Variants in C8G observed in about 807,000 individuals in gnomAD.
C8G encodes complement component C8 gamma chain.
In C8G, 38 loss-of-function variants were observed where a neutral mutation model predicts 29.1. That is an observed-to-expected ratio of 1.31 (90% CI 1.01 to 1.71). The LOEUF (loss-of-function observed/expected upper bound fraction) is 1.71. Among genes scored for constraint, C8G ranks in the 40% most tolerant of loss-of-function variants. The probability of loss-of-function intolerance (pLI) is 0.00; values close to 1 mark genes in which losing one functional copy is unlikely to be tolerated. For missense variants in C8G, 300 were observed against 267.4 expected, an observed-to-expected ratio of 1.12 and a Z score of -0.85; for synonymous variants, 158 against 113.2, an observed-to-expected ratio of 1.40 and a Z score of -2.51.
In C8G at chr9:136,945,473, G is replaced by C; in HGVS notation, c.138+15G>C. The C allele has an allele frequency of 6.4e-7, 1 of 1,561,934 alleles. No individual in the cohort carries two copies. On this transcript the variant is annotated intron_variant, in intron 1 of 6. Coordinates refer to ENST00000371634, the MANE Select transcript of C8G (RefSeq NM_000606.3). ...ATGCTCAGCAGGTAGAAGTTGGGGG[G>C]GGTAGAGGGAGGCAGGTAGAAGTTG...
intron 1 of C8G, 60 bp downstream of exon 1, chr9:136,945,518 CAGGT>C (rs1386453631): frequency 2.5e-5 from 38 of 1,528,708 alleles, no homozygotes; most frequent in Middle Eastern, 1.7e-4. Context: ...TAGAGGGAGA[CAGGT>C]AGAAGTTGTT....
Position 136,946,670 on chromosome 9 carries a change from C to T in C8G, c.576C>T (p.Asp192=). The change falls in exon 6 of 7, where the codon GAC becomes GAT. Residue 192 remains aspartate (D), a synonymous_variant. Coordinates refer to ENST00000371634, the MANE Select transcript of C8G (RefSeq NM_000606.3). The part of the protein sequence containing the change: ...FPKYGFCEAA[D]QFHVLDEVRR Reference sequence around the variant, plus strand: ...CCCCAGGCTTCTGCGAGGCTGCAGACCAGTTCCACGTCCTGGACGGTGAGT... The same window carrying T: ...CCCCAGGCTTCTGCGAGGCTGCAGATCAGTTCCACGTCCTGGACGGTGAGT... 2 of 1,612,974 alleles carry T rather than the reference C, an allele frequency of 1.2e-6. No individual in the cohort carries two copies. Among genetic ancestry groups the T allele is most frequent in the Non-Finnish European group, 8.5e-7 (1 of 1,179,986 alleles).
At position 136,946,567 on chromosome 9, in the gene C8G, G is replaced by T. The variant is rs765683279; in HGVS notation, c.556+1G>T. On this transcript the variant is annotated splice_donor_variant, in intron 5 of 6. Coordinates refer to ENST00000371634, the MANE Select transcript of C8G (RefSeq NM_000606.3). LOFTEE classifies it high-confidence loss of function. ...CAGATCTTCTACTTCCCCAAGTACG[G>T]TGAGTGTCCCCAGCAGGTCCCCAGC... The T allele has an allele frequency of 6.2e-7, 1 of 1,612,886 alleles. No individual in the cohort carries two copies. Among genetic ancestry groups the T allele is most frequent in the Admixed American group, 1.7e-5 (1 of 59,962 alleles).
chr9:136,946,427 C>T (rs926215761), intron 4 of C8G, 38 bp from the exon 5 acceptor site: 2 of 1,547,004 alleles, frequency 1.3e-6, no homozygotes, highest in African/African-American at 2.7e-5. Flanking sequence ...TCCACGCCGC[C>T]TGGTGCCAGG....
rs765655069 is a variant in C8G at position 136,945,433 on chromosome 9, C to T, written c.113C>T (p.Pro38Leu). The change falls in exon 1 of 7, where the codon CCC (proline) becomes CTC (leucine). Residue 38 changes from proline to leucine, a missense_variant. Coordinates refer to ENST00000371634, the MANE Select transcript of C8G (RefSeq NM_000606.3). ...GCATCCCCCATCAGCACCATCCAGCCCAAGGCCAATTTTGATGCTCAGCAG... is the reference window on the plus strand; with the variant it reads ...GCATCCCCCATCAGCACCATCCAGCTCAAGGCCAATTTTGATGCTCAGCAG... ...RPASPISTIQ[P>L]KANFDAQQFA... 4.4e-6 allele frequency: 7 copies of T among 1,585,846 alleles called. No individual in the cohort carries two copies. In the South Asian group the frequency reaches 4.6e-5, roughly 10 times the overall value.
Position 136,945,398 on chromosome 9 carries a change from A to T in C8G, c.78A>T (p.Pro26=). 1 of 1,608,366 alleles carries T rather than the reference A, an allele frequency of 6.2e-7. No individual in the cohort carries two copies. Among genetic ancestry groups the T allele is most frequent in the Non-Finnish European group, 8.5e-7 (1 of 1,178,048 alleles). Residue 26 remains proline, a synonymous_variant, in exon 1 of 7, where the codon CCA becomes CCT. Coordinates refer to ENST00000371634, the MANE Select transcript of C8G (RefSeq NM_000606.3). Reference sequence around the variant, plus strand: ...CGCTGGGCCAGAAGCCTCAGAGGCCACGCCGGCCCGCATCCCCCATCAGCA... The same window carrying T: ...CGCTGGGCCAGAAGCCTCAGAGGCCTCGCCGGCCCGCATCCCCCATCAGCA... ...AGSLGQKPQR[P]RRPASPISTI... is the part of the protein sequence containing the mutation.
At position 136,945,371 on chromosome 9, in the gene C8G, C is replaced by T; in HGVS notation, c.51C>T (p.Gly17=). ...ATLLTLLLAA[G]SLGQKPQRPR... is the part of the protein sequence containing the mutation. ...TCTTGACTCTGCTCCTGGCAGCTGG[C>T]TCGCTGGGCCAGAAGCCTCAGAGGC... Residue 17 remains glycine, a synonymous_variant, in exon 1 of 7, where the codon GGC becomes GGT. Coordinates refer to ENST00000371634, the MANE Select transcript of C8G (RefSeq NM_000606.3). 1.2e-6 allele frequency: 2 copies of T among 1,612,766 alleles called. No individual in the cohort carries two copies. Among genetic ancestry groups the T allele is most frequent in the Non-Finnish European group, 1.7e-6 (2 of 1,179,872 alleles).
chr9:136,946,126 A>G lies in C8G; in HGVS notation c.388A>G (p.Thr130Ala), dbSNP rs749434693. ...RGAVHVVVAETDYQSFAVLYL... is the reference protein window; with the variant it reads ...RGAVHVVVAEADYQSFAVLYL... ...GGCTGTGCACGTGGTTGTCGCTGAG[A>G]CCGACTACCAGAGTTTCGCTGTCCT... The change falls in exon 4 of 7, where the codon ACC (threonine) becomes GCC (alanine). Residue 130 changes from threonine to alanine, a missense_variant. Transcript: ENST00000371634. 6.3e-7 allele frequency: 1 copy of G among 1,588,348 alleles called. No individual in the cohort carries two copies. The highest frequency in any genetic ancestry group is 8.6e-7 in the Non-Finnish European group (1 of 1,164,440).
Position 136,946,445 on chromosome 9 carries a change from G to T in C8G, c.455-20G>T, listed in dbSNP as rs1851043559. 6.4e-7 allele frequency: 1 copy of T among 1,573,278 alleles called. No homozygotes were observed. Among genetic ancestry groups the T allele is most frequent in the African/African-American group, 1.4e-5 (1 of 73,906 alleles). ...ACGCCGCCTGGTGCCAGGACCCCAG[G>T]AACCCTGTCTGCCCTGCAGCCCGCT... On this transcript the variant is annotated intron_variant, in intron 4 of 6. Transcript: ENST00000371634.
intron 2 of C8G, 52 bp downstream of exon 2, chr9:136,945,822 C>T (rs762795741): frequency 3.0e-5 from 46 of 1,537,982 alleles, no homozygotes; most frequent in African/African-American, 1.2e-4. Context: ...TCTCAGCCCC[C>T]GGACTTCAGC....
At position 136,946,967 on chromosome 9, in the gene C8G, C is replaced by G; in HGVS notation, c.*186C>G. 1 of 713,564 alleles carries G rather than the reference C, an allele frequency of 1.4e-6. No individual in the cohort carries two copies. The highest frequency in any genetic ancestry group is 2.4e-6 in the Non-Finnish European group (1 of 419,660). 44.2% of individuals were successfully genotyped at this position (713,564 alleles called of 1,614,324 possible). A position where few individuals can be genotyped will look rare whatever the true frequency, so the allele number is the denominator to read the frequency against. On this transcript the variant is annotated 3_prime_UTR_variant, in exon 7 of 7. Transcript: ENST00000371634. ...AGTGGTACCTACTTATTAAATGTCT[C>G]AGACCCCTCTCTGACTCTTCTGTCC...
At position 136,946,688 on chromosome 9, in the gene C8G, C is replaced by T. The variant is rs779956298; in HGVS notation, c.594C>T (p.Asp198=). The part of the protein sequence containing the change: ...CEAADQFHVL[D]EVRR ...CTGCAGACCAGTTCCACGTCCTGGA[C>T]GGTGAGTGCACAGCGGGGCAAGCAT... Residue 198 remains aspartate, a splice_region_variant and synonymous_variant, in exon 6 of 7, where the codon GAC becomes GAT. Coordinates refer to ENST00000371634, the MANE Select transcript of C8G (RefSeq NM_000606.3). 40 of 1,612,296 alleles carry T rather than the reference C, an allele frequency of 2.5e-5. No homozygotes were observed. The highest frequency in any genetic ancestry group is 1.6e-4 in the Middle Eastern group (1 of 6,084).
In C8G at chr9:136,945,402, C is replaced by A; in HGVS notation, c.82C>A (p.Arg28=). 3.1e-6 allele frequency: 5 copies of A among 1,605,510 alleles called. No individual in the cohort carries two copies. The South Asian group carries it at 4.5e-5, about 14-fold the overall frequency. ...GGGCCAGAAGCCTCAGAGGCCACGC[C>A]GGCCCGCATCCCCCATCAGCACCAT... is the stretch of plus-strand genomic sequence containing the variant. The part of the protein sequence containing the change: ...SLGQKPQRPR[R]PASPISTIQP... The change falls in exon 1 of 7, where the codon CGG becomes AGG. Residue 28 remains arginine (R), a synonymous_variant. Coordinates refer to ENST00000371634, the MANE Select transcript of C8G (RefSeq NM_000606.3).
rs767631741 is a variant in C8G, at chr9:136,946,203, GC to G, written c.454+13del. 1.3e-6 allele frequency: 2 copies of G among 1,545,232 alleles called. No homozygotes were observed. The highest frequency in any genetic ancestry group is 1.2e-5 in the South Asian group (1 of 80,986). On this transcript the variant is annotated intron_variant, in intron 4 of 6. Coordinates refer to ENST00000371634, the MANE Select transcript of C8G (RefSeq NM_000606.3). ...CAGTGAAGCTCTACGGTATGTGGGG[GC>G]CAGCCTCTGTGACCAGGCAGGCGCT...
chr9:136,946,737 T>G, intron 6 of C8G, 31 bp from the exon 7 acceptor site: 2 of 1,608,408 alleles, frequency 1.2e-6, no homozygotes, highest in Non-Finnish European at 1.7e-6. Flanking sequence ...GGGGGGCCAC[T>G]GCCACCGGCT....
At chr9:136,946,311 T>G in intron 4 of C8G, 119 bp downstream of exon 4, 1 of 1,370,734 alleles carries the variant, frequency 7.3e-7, no homozygotes, top group Non-Finnish European at 9.9e-7. Flanking sequence ...ATCCTGATCC[T>G]CCTGCTAAGC....
chr9:136,945,885 G>T, intron 2 of C8G, 44 bp from the exon 3 acceptor site: 1 of 1,548,216 alleles, frequency 6.5e-7, no homozygotes, highest in Non-Finnish European at 8.7e-7. Context: ...AGGATTCCTG[G>T]TTGGGGTCTC....
chr9:136,945,535 G>A (rs560440350), intron 1 of C8G, 77 bp downstream of exon 1: 65 of 1,544,584 alleles, frequency 4.2e-5, no homozygotes, highest in Middle Eastern at 1.7e-4. Flanking sequence ...AAGTTGTTGC[G>A]GGGGAGAGGG....
chr9:136,945,326 G>T lies in C8G; in HGVS notation c.6G>T (p.Leu2=), dbSNP rs138111158. The T allele has an allele frequency of 6.2e-6, 10 of 1,606,192 alleles. 1 individual carries two copies. In the East Asian group the frequency reaches 2.2e-4, roughly 36 times the overall value. The change falls in exon 1 of 7, where the codon CTG becomes CTT. Residue 2 remains leucine (L), a synonymous_variant. Coordinates refer to ENST00000371634, the MANE Select transcript of C8G (RefSeq NM_000606.3). ...GCCACCCTGCTGCCGCCACCATGCT[G>T]CCCCCTGGGACTGCGACCCTCTTGA... is the stretch of plus-strand genomic sequence containing the variant. M[L]PPGTATLLTL...
Sources: gnomAD v4.1 joint callset for allele counts on GRCh38, gnomAD v4.1.1 for gene constraint, MANE v1.5 for transcripts, NCBI Gene and HGNC (gene_info 2026-07-23, HGNC 2026-07-21) for gene names.